The following SLC25A13 variants were observed in gnomAD, a reference collection of about 807,000 sequenced individuals.
SLC25A13 encodes the protein solute carrier family 25 member 13.
Under a neutral mutation model 85.5 loss-of-function variants are expected in SLC25A13, and 70 were observed. That is an observed-to-expected ratio of 0.82 (90% CI 0.68 to 1.00). SLC25A13 has a LOEUF of 1.00. SLC25A13 is among the 50% of genes least tolerant of loss of function. The pLI, the probability that SLC25A13 is intolerant of heterozygous loss-of-function variation, is 0.00. For missense variants in SLC25A13, 765 were observed against 819.8 expected, an observed-to-expected ratio of 0.93 and a Z score of 0.82; for synonymous variants, 259 against 288.7, an observed-to-expected ratio of 0.90 and a Z score of 1.04.
At chr7:96,178,887 C>T (rs1794321495) in intron 11 of SLC25A13, among the ~76,000 whole-genome samples, 1 of 152,218 alleles carries the variant, frequency 6.6e-6, no homozygotes, top group Non-Finnish European at 1.5e-5. Flanking sequence ...TCATTACAAC[C>T]CAGTTCTGAC....
At chr7:96,281,458 A>G (rs1241583902) in intron 2 of SLC25A13, among the ~76,000 whole-genome samples, 1 of 152,172 alleles carries the variant, frequency 6.6e-6, no homozygotes, top group Non-Finnish European at 1.5e-5. Flanking sequence ...TCCTAAGGGT[A>G]AAAGAAAAGA....
At chr7:96,188,811 A>C (rs1794731814) in intron 9 of SLC25A13, among the ~76,000 whole-genome samples, 1 of 152,232 alleles carries the variant, frequency 6.6e-6, no homozygotes, top group Admixed American at 6.5e-5. Flanking sequence ...AAAGCCTTTA[A>C]ACTGTAACTC....
chr7:96,299,696 C>T (rs958955724), intron 1 of SLC25A13, among the ~76,000 whole-genome samples: 2 of 152,166 alleles, frequency 1.3e-5, no homozygotes, highest in African/African-American at 4.8e-5. Flanking sequence ...CACTTAACAA[C>T]AGGATAACAT....
At position 96,191,106 on chromosome 7, in the gene SLC25A13, C is replaced by T; in HGVS notation, c.754+3G>A. On this transcript the variant is annotated splice_donor_region_variant and intron_variant, in intron 7 of 17. Coordinates refer to ENST00000265631, the MANE Select transcript of SLC25A13 (RefSeq NM_014251.3). ...GCTAGAATTCAGATATATTCTCACT[C>T]ACCCTTAGTCACTTCAACATCTTTC... The T allele has an allele frequency of 6.2e-7, 1 of 1,613,980 alleles. No homozygotes were observed. Among genetic ancestry groups the T allele is most frequent in the Non-Finnish European group, 8.5e-7 (1 of 1,180,000 alleles).
rs149862016 is a variant in SLC25A13, at chr7:96,208,937, T to C, written c.369A>G (p.Gln123=). ...CTGAATCCCAGTTAAATGGAATATG[T>C]TGATGAATTGTGGTCTGTCCAAAAA... ...KQVFGQTTIH[Q]HIPFNWDSEF... The change falls in exon 5 of 18, where the codon CAA becomes CAG. Residue 123 remains glutamine (Q), a synonymous_variant. Coordinates refer to ENST00000265631, the MANE Select transcript of SLC25A13 (RefSeq NM_014251.3). 3.1e-6 allele frequency: 5 copies of C among 1,614,046 alleles called. No individual in the cohort carries two copies. Among genetic ancestry groups the C allele is most frequent in the African/African-American group, 2.7e-5 (2 of 74,940 alleles).
intron 1 of SLC25A13, among the ~76,000 whole-genome samples, chr7:96,307,407 T>C (rs1799788805): frequency 6.6e-6 from 1 of 151,878 alleles, no homozygotes. Flanking sequence ...GAAAAACATA[T>C]GGGGATGAAT....
At chr7:96,191,392 TA>T (rs971407204) in intron 6 of SLC25A13, 145 bp from the exon 7 acceptor site, 203 of 906,724 alleles carry the variant, frequency 2.2e-4, no homozygotes, top group African/African-American at 6.4e-4. Context: ...TCTTTTGCAT[TA>T]AAAAAAAGCT....
At chr7:96,246,648 T>C (rs1251208525) in intron 3 of SLC25A13, among the ~76,000 whole-genome samples, 1 of 152,206 alleles carries the variant, frequency 6.6e-6, no homozygotes, top group African/African-American at 2.4e-5. Context: ...CTCGGGAACA[T>C]TTTGGCATTT....
intron 3 of SLC25A13, among the ~76,000 whole-genome samples, chr7:96,239,065 ATATG>A (rs71127446): frequency 3.0e-5 from 4 of 132,064 alleles, no homozygotes; most frequent in African/African-American, 1.2e-4. Context: ...ATATATATAT[ATATG>A]TATGTATGTA....
chr7:96,134,582 G>T (rs1792183202), intron 14 of SLC25A13, among the ~76,000 whole-genome samples: 1 of 151,858 alleles, frequency 6.6e-6, no homozygotes. Flanking sequence ...TGAAGAATCA[G>T]TTGGGTCTTC....
chr7:96,157,779 C>A (rs148825848), intron 13 of SLC25A13, among the ~76,000 whole-genome samples: 1 of 151,334 alleles, frequency 6.6e-6, no homozygotes. Context: ...CCAGCCTGGG[C>A]GACAGAACAA....
intron 14 of SLC25A13, among the ~76,000 whole-genome samples, chr7:96,137,148 A>AC (rs1304802479): frequency 6.6e-6 from 1 of 152,120 alleles, no homozygotes; most frequent in African/African-American, 2.4e-5. Flanking sequence ...GGATGGTTAG[A>AC]CCCCACCTAC....
At chr7:96,174,980 C>A (rs1794161422) in intron 11 of SLC25A13, among the ~76,000 whole-genome samples, 1 of 152,168 alleles carries the variant, frequency 6.6e-6, no homozygotes, top group African/African-American at 2.4e-5. Context: ...CTGGTGCCTC[C>A]CCGCTAAGAA....
intron 1 of SLC25A13, among the ~76,000 whole-genome samples, chr7:96,317,095 C>T (rs1255179828): frequency 2.0e-5 from 3 of 152,130 alleles, no homozygotes; most frequent in Non-Finnish European, 4.4e-5. Context: ...CTCAGCCTCC[C>T]GAGCAGCTGA....
intron 3 of SLC25A13, among the ~76,000 whole-genome samples, chr7:96,260,679 T>C (rs1207692756): frequency 6.6e-6 from 1 of 152,166 alleles, no homozygotes; most frequent in African/African-American, 2.4e-5. Context: ...CCCTATCTCA[T>C]TTGCTTATAT....
At chr7:96,278,938 G>A (rs951190582) in intron 2 of SLC25A13, among the ~76,000 whole-genome samples, 2 of 152,152 alleles carry the variant, frequency 1.3e-5, no homozygotes, top group Non-Finnish European at 1.5e-5. Context: ...CCCTGATAGT[G>A]AATAATTTAT....
intron 3 of SLC25A13, among the ~76,000 whole-genome samples, chr7:96,240,891 G>A (rs1413452041): frequency 4.9e-5 from 7 of 144,098 alleles, no homozygotes; most frequent in African/African-American, 1.8e-4. Context: ...TGACAGAGGA[G>A]TGTTAAATGA....
intron 4 of SLC25A13, among the ~76,000 whole-genome samples, chr7:96,228,351 G>A (rs1056899855): frequency 2.0e-5 from 3 of 152,170 alleles, no homozygotes; most frequent in African/African-American, 7.2e-5. Context: ...GCACATGACT[G>A]AAGAAGATAG....
intron 14 of SLC25A13, among the ~76,000 whole-genome samples, chr7:96,138,295 G>C (rs1338770330): frequency 6.6e-6 from 1 of 152,054 alleles, no homozygotes; most frequent in Non-Finnish European, 1.5e-5. Context: ...CCACTAAAGA[G>C]CTTCTCTCTA....
Sources: allele counts gnomAD v4.1 joint callset (sites outside exome capture counted in the v4.1 genomes callset), GRCh38; gene constraint gnomAD v4.1.1; transcripts MANE v1.5; gene names NCBI Gene and HGNC (gene_info 2026-07-23, HGNC 2026-07-21).